Variants in GOLM1 observed in about 807,000 individuals in gnomAD.
GOLM1 encodes the protein golgi membrane protein 1, also known as epididymis luminal protein 46.
A neutral mutation model predicts 50.5 loss-of-function variants in GOLM1; 31 were observed. The ratio of observed to expected loss-of-function variants is 0.61; its 90% confidence interval spans 0.46 to 0.83. GOLM1 has a LOEUF of 0.83. Ranked by LOEUF, GOLM1 falls within the 40% of genes least tolerant of loss-of-function variation. The probability of loss-of-function intolerance (pLI) is 0.00; values close to 1 mark genes in which losing one functional copy is unlikely to be tolerated. For missense variants in GOLM1, 491 were observed against 501.3 expected (o/e 0.98, Z 0.20); for synonymous variants, 178 against 192.8 (o/e 0.92, Z 0.64).
rs1834654909 is a variant in GOLM1 at position 86,077,507 on chromosome 9, C to T, written c.214G>A (p.Gly72Arg). 1 of 1,613,480 alleles carries T rather than the reference C, an allele frequency of 6.2e-7. No individual in the cohort carries two copies. The highest frequency in any genetic ancestry group is 2.2e-5 in the East Asian group (1 of 44,882). Residue 72 changes from glycine (G) to arginine (R), a missense_variant, in exon 3 of 10, where the codon GGA becomes AGA. By Grantham distance (125) the Gly-to-Arg change is moderately radical. Coordinates refer to ENST00000388712, the MANE Select transcript of GOLM1 (RefSeq NM_016548.4). ...AVELKKNEFQ[G>R]ELEKQREQLD... The stretch of plus-strand genomic sequence containing the variant: ...TGCTCCCGCTGCTTCTCCAGCTCTC[C>T]CTGGAACTCGTTCTTCTTCAGCTCC...
intron 3 of GOLM1, among the ~76,000 whole-genome samples, chr9:86,055,136 A>G (rs1269653348): frequency 6.6e-6 from 1 of 152,230 alleles, no homozygotes; most frequent in African/African-American, 2.4e-5. Context: ...CCCACAAATG[A>G]AATCGCATCA....
chr9:86,083,167 A>G (rs1834837539), intron 1 of GOLM1, among the ~76,000 whole-genome samples: 1 of 152,214 alleles, frequency 6.6e-6, no homozygotes, highest in Admixed American at 6.5e-5. Context: ...AGGACACCAA[A>G]AGCCAAGGAT....
In GOLM1 at chr9:86,027,220, T is replaced by G; in HGVS notation, c.*597A>C. 1 of 985,458 alleles carries G rather than the reference T, an allele frequency of 1.0e-6. No individual in the cohort carries two copies. The highest frequency in any genetic ancestry group is 4.7e-5 in the South Asian group (1 of 21,292). 61.0% of individuals were successfully genotyped at this position (985,458 alleles called of 1,614,324 possible). A position where few individuals can be genotyped will look rare whatever the true frequency, so the allele number is the denominator to read the frequency against. On this transcript the variant is annotated 3_prime_UTR_variant, in exon 10 of 10. Transcript: ENST00000388712. ...ATACAAGTAGCCTTTTAAAAAATTCTCACACAGAACAGCTTTGTATTTAGA... is the reference window on the plus strand; with the variant it reads ...ATACAAGTAGCCTTTTAAAAAATTCGCACACAGAACAGCTTTGTATTTAGA...
At chr9:86,047,765 T>C (rs1313311300) in intron 4 of GOLM1, among the ~76,000 whole-genome samples, 1 of 152,170 alleles carries the variant, frequency 6.6e-6, no homozygotes, top group Non-Finnish European at 1.5e-5. Flanking sequence ...AAGAAATGAA[T>C]GACTTGTATC....
chr9:86,031,902 G>T (rs927619712), intron 9 of GOLM1, among the ~76,000 whole-genome samples: 1 of 147,522 alleles, frequency 6.8e-6, no homozygotes, highest in Non-Finnish European at 1.5e-5. Context: ...CTTCAGCAAG[G>T]GTGACAGAGC....
chr9:86,035,671 T>TA (rs375193474), intron 7 of GOLM1, 46 bp from the exon 8 acceptor site: 31,408 of 865,854 alleles, frequency 0.036, 63 homozygotes, highest in African/African-American at 0.048. Context: ...GCATTTGATT[T>TA]AAAAAAAAAA....
intron 3 of GOLM1, among the ~76,000 whole-genome samples, chr9:86,058,643 C>G (rs1326730483): frequency 1.4e-5 from 2 of 143,428 alleles, no homozygotes; most frequent in Non-Finnish European, 3.0e-5. Context: ...TTGCAGTGAG[C>G]TGAGATCATG....
intron 1 of GOLM1, among the ~76,000 whole-genome samples, chr9:86,081,178 G>A (rs973178195): frequency 4.6e-5 from 7 of 151,024 alleles, no homozygotes; most frequent in African/African-American, 1.7e-4. Flanking sequence ...ATGAGCCAGT[G>A]CACCCAGCCT....
intron 1 of GOLM1, among the ~76,000 whole-genome samples, chr9:86,083,698 A>G (rs1337230879): frequency 6.6e-6 from 1 of 152,228 alleles, no homozygotes; most frequent in Non-Finnish European, 1.5e-5. Context: ...AGGCTTAAGT[A>G]CATTTTGAAC....
intron 8 of GOLM1, 145 bp downstream of exon 8, chr9:86,035,223 A>G (rs945865858): frequency 1.3e-6 from 2 of 1,515,650 alleles, no homozygotes; most frequent in African/African-American, 1.4e-5. Context: ...CGAATAAGAA[A>G]CCTTCAAACG....
Position 86,054,516 on chromosome 9 carries a change from G to T in GOLM1, c.310-1925C>A, listed in dbSNP as rs11141203. 4.3e-3 allele frequency among the ~76,000 whole-genome samples: 652 copies of T among 152,176 alleles called. 5 individuals are homozygous for T. Among genetic ancestry groups the T allele is most frequent in the African/African-American group, 0.015 (615 of 41,522 alleles). Reference sequence around the variant, plus strand: ...TGGGATTACAGGCGTGAGCCACTGCGCCCGGCCTCATGTATTCTTCTTGAC... The same window carrying T: ...TGGGATTACAGGCGTGAGCCACTGCTCCCGGCCTCATGTATTCTTCTTGAC... On this transcript the variant is annotated intron_variant, in intron 3 of 9. Coordinates refer to ENST00000388712, the MANE Select transcript of GOLM1 (RefSeq NM_016548.4).
At chr9:86,069,658 C>T (rs1355622094) in intron 3 of GOLM1, among the ~76,000 whole-genome samples, 4 of 152,150 alleles carry the variant, frequency 2.6e-5, no homozygotes, top group African/African-American at 2.4e-5. Context: ...GGTGTGGGGT[C>T]GTTAAAATGG....
intron 8 of GOLM1, among the ~76,000 whole-genome samples, chr9:86,034,623 TG>T (rs972094500): frequency 1.3e-5 from 2 of 152,190 alleles, no homozygotes; most frequent in Non-Finnish European, 1.5e-5. Flanking sequence ...ATTCTTTAAC[TG>T]GAACTTGGAA....
chr9:86,095,008 GGGAAGC>G (rs1406593396), intron 1 of GOLM1, among the ~76,000 whole-genome samples: 1 of 151,554 alleles, frequency 6.6e-6, no homozygotes, highest in African/African-American at 2.4e-5. Context: ...ACTAGAACCT[GGGAAGC>G]GGAGTTTTCG....
intron 3 of GOLM1, among the ~76,000 whole-genome samples, chr9:86,065,867 C>T (rs1298553090): frequency 6.6e-6 from 1 of 152,044 alleles, no homozygotes; most frequent in Non-Finnish European, 1.5e-5. Flanking sequence ...TGGTGAAACC[C>T]CATCTCTACT....
chr9:86,075,765 T>C (rs1430867587), intron 3 of GOLM1, among the ~76,000 whole-genome samples: 1 of 152,114 alleles, frequency 6.6e-6, no homozygotes, highest in Non-Finnish European at 1.5e-5. Flanking sequence ...AAATAACTAC[T>C]TGATGCTCTT....
intron 6 of GOLM1, among the ~76,000 whole-genome samples, chr9:86,040,202 A>C (rs1833291637): frequency 6.6e-6 from 1 of 152,160 alleles, no homozygotes; most frequent in South Asian, 2.1e-4. Flanking sequence ...CTCAGAACCC[A>C]TGAATTGTAA....
intron 1 of GOLM1, among the ~76,000 whole-genome samples, chr9:86,096,799 T>C (rs896648223): frequency 7.9e-5 from 12 of 152,140 alleles, no homozygotes; most frequent in Admixed American, 3.3e-4. Context: ...TAACAGCAAA[T>C]ACATGTAGTT....
intron 1 of GOLM1, among the ~76,000 whole-genome samples, chr9:86,084,153 G>C (rs578083543): frequency 2.0e-4 from 31 of 152,324 alleles, no homozygotes; most frequent in African/African-American, 7.2e-4. Flanking sequence ...GCTCGTATCA[G>C]CTTTGGGGGC....
Sources: allele counts gnomAD v4.1 joint callset (sites outside exome capture counted in the v4.1 genomes callset), GRCh38; gene constraint gnomAD v4.1.1; transcripts MANE v1.5; gene names NCBI Gene and HGNC (gene_info 2026-07-23, HGNC 2026-07-21).